Variants in AUTS2 observed in about 807,000 individuals in gnomAD.
The protein encoded by AUTS2 is autism susceptibility gene 2 protein.
In AUTS2, 17 loss-of-function variants were observed where a neutral mutation model predicts 112.4. That is an observed-to-expected ratio of 0.15 (90% confidence interval 0.10 to 0.23). AUTS2 has a LOEUF of 0.23. AUTS2 is among the 10% of genes least tolerant of loss of function. AUTS2 has a pLI of 1.00. For synonymous variants in AUTS2, 751 were observed against 702.7 expected (o/e 1.07, Z -1.09); for missense variants, 1,510 against 1,701.6 (o/e 0.89, Z 1.98).
intron 2 of AUTS2, among the ~76,000 whole-genome samples, chr7:70,000,956 C>T (rs1474023453): frequency 6.6e-6 from 1 of 152,182 alleles, no homozygotes; most frequent in Non-Finnish European, 1.5e-5. Context: ...TGGCATTCAA[C>T]CCAGCCTTCT....
chr7:69,762,954 A>G (rs773321778), intron 1 of AUTS2, among the ~76,000 whole-genome samples: 1 of 152,170 alleles, frequency 6.6e-6, no homozygotes, highest in Non-Finnish European at 1.5e-5. Context: ...TGAAATCATA[A>G]TATAGAGCCC....
intron 5 of AUTS2, among the ~76,000 whole-genome samples, chr7:70,535,290 T>C (rs1222930477): frequency 4.6e-5 from 7 of 152,274 alleles, no homozygotes; most frequent in African/African-American, 1.7e-4. Flanking sequence ...TATATTTTTA[T>C]TGTTGTCACT....
At chr7:69,791,127 G>T (rs892078937) in intron 1 of AUTS2, among the ~76,000 whole-genome samples, 1 of 152,158 alleles carries the variant, frequency 6.6e-6, no homozygotes, top group African/African-American at 2.4e-5. Context: ...TCAGCCCCAA[G>T]CATGCTTTTT....
chr7:70,195,889 G>A (rs2129584384), intron 4 of AUTS2, among the ~76,000 whole-genome samples: 1 of 152,254 alleles, frequency 6.6e-6, no homozygotes, highest in African/African-American at 2.4e-5. Flanking sequence ...ACTACAAAAT[G>A]TGTAGATTCC....
intron 5 of AUTS2, among the ~76,000 whole-genome samples, chr7:70,586,635 T>A (rs1435522461): frequency 6.6e-6 from 1 of 152,160 alleles, no homozygotes; most frequent in Non-Finnish European, 1.5e-5. Context: ...CCCATTGCAT[T>A]GATGTTTCTC....
intron 2 of AUTS2, among the ~76,000 whole-genome samples, chr7:69,989,945 G>T (rs1213235215): frequency 6.6e-6 from 1 of 152,152 alleles, no homozygotes; most frequent in Admixed American, 6.6e-5. Flanking sequence ...AATGCCTGAT[G>T]ATCTGAGGTG....
intron 4 of AUTS2, among the ~76,000 whole-genome samples, chr7:70,365,279 T>C (rs1388337383): frequency 6.6e-6 from 1 of 152,220 alleles, no homozygotes; most frequent in Non-Finnish European, 1.5e-5. Context: ...CGTTAGGTCA[T>C]AGCATTTAGA....
chr7:70,084,346 T>C (rs1803480855), intron 2 of AUTS2, among the ~76,000 whole-genome samples: 1 of 152,252 alleles, frequency 6.6e-6, no homozygotes, highest in African/African-American at 2.4e-5. Context: ...TTATGTATAA[T>C]GCAGCTATGA....
intron 4 of AUTS2, among the ~76,000 whole-genome samples, chr7:70,334,165 T>C (rs913188636): frequency 1.3e-5 from 2 of 152,192 alleles, no homozygotes; most frequent in African/African-American, 4.8e-5. Flanking sequence ...TTCATCTTGT[T>C]CATGATCTTA....
chr7:69,970,494 C>G (rs1286740831), intron 2 of AUTS2, among the ~76,000 whole-genome samples: 1 of 152,168 alleles, frequency 6.6e-6, no homozygotes, highest in Non-Finnish European at 1.5e-5. Flanking sequence ...TAAGGCATCC[C>G]TATCCAGCCA....
At chr7:70,084,247 G>T (rs1803475688) in intron 2 of AUTS2, among the ~76,000 whole-genome samples, 1 of 151,942 alleles carries the variant, frequency 6.6e-6, no homozygotes, top group Non-Finnish European at 1.5e-5. Context: ...TATCCACATT[G>T]TGCTGTATAT....
At chr7:70,282,828 A>G (rs1391932171) in intron 4 of AUTS2, among the ~76,000 whole-genome samples, 1 of 152,190 alleles carries the variant, frequency 6.6e-6, no homozygotes. Context: ...AAGATAAAAT[A>G]TGGAGAATTG....
intron 2 of AUTS2, among the ~76,000 whole-genome samples, chr7:70,068,431 G>A (rs1450269029): frequency 1.3e-5 from 2 of 151,632 alleles, no homozygotes; most frequent in East Asian, 3.9e-4. Context: ...TGATCTGCCC[G>A]CCTTGGCCTC....
Position 70,774,047 on chromosome 7 carries a change from T to C in AUTS2, c.1850T>C (p.Val617Ala), listed in dbSNP as rs764526248. The change falls in exon 12 of 19, where the codon GTC becomes GCC. Residue 617 changes from valine (V) to alanine (A), a missense_variant. Physicochemically the swap from Val to Ala is moderately conservative, Grantham distance 64. Around this residue, in one of 3 missense-constraint regions of AUTS2, gnomAD observed 187 missense variants for 309.7 expected, o/e 0.60. Transcript: ENST00000342771. ...TTGTAGACATCCAACCCTATCGATG[T>C]CGCTGCTCGGCCTGGGACAGTCCCA... ...FQPKTSNPID[V>A]AARPGTVPHT... 1 of 1,614,232 alleles carries C rather than the reference T, an allele frequency of 6.2e-7. No individual in the cohort carries two copies. Among genetic ancestry groups the C allele is most frequent in the Admixed American group, 1.7e-5 (1 of 60,026 alleles).
At chr7:70,064,163 C>T (rs896968569) in intron 2 of AUTS2, among the ~76,000 whole-genome samples, 5 of 152,124 alleles carry the variant, frequency 3.3e-5, no homozygotes, top group African/African-American at 9.7e-5. Flanking sequence ...TAGTGAGTCC[C>T]GCTTGTCTGT....
intron 5 of AUTS2, among the ~76,000 whole-genome samples, chr7:70,547,391 A>G (rs564123479): frequency 6.2e-4 from 95 of 152,226 alleles, no homozygotes; most frequent in Middle Eastern, 3.4e-3. Flanking sequence ...AGTAGCTGGG[A>G]TTACAGGCGC....
intron 4 of AUTS2, among the ~76,000 whole-genome samples, chr7:70,166,038 A>G (rs1475954705): frequency 1.3e-5 from 2 of 152,100 alleles, no homozygotes; most frequent in Non-Finnish European, 2.9e-5. Context: ...CTGCTCCCCT[A>G]TGGTAAGACG....
intron 2 of AUTS2, among the ~76,000 whole-genome samples, chr7:70,012,293 C>T (rs1237827085): frequency 6.6e-6 from 1 of 152,218 alleles, no homozygotes. Context: ...TGGGCCCTGG[C>T]GTCCAGGGTA....
chr7:70,002,121 T>C (rs1379067357), intron 2 of AUTS2, among the ~76,000 whole-genome samples: 1 of 152,174 alleles, frequency 6.6e-6, no homozygotes, highest in Non-Finnish European at 1.5e-5. Flanking sequence ...GTGATATAAG[T>C]AAACACTGAG....
Sources: gnomAD v4.1 joint callset for allele counts (sites outside exome capture counted in the v4.1 genomes callset) on GRCh38, gnomAD v4.1.1 for gene constraint, gnomAD v4.1.1 regional missense constraint, MANE v1.5 for transcripts, NCBI Gene and HGNC (gene_info 2026-07-23, HGNC 2026-07-21) for gene names.